RANBP17: variants seen among roughly 807,000 people sequenced by gnomAD.
The protein encoded by RANBP17 is RAN binding protein 17.
A neutral mutation model predicts 141.2 loss-of-function variants in RANBP17; 158 were observed. That is an observed-to-expected ratio of 1.12 (90% CI 0.98 to 1.28). RANBP17 has a LOEUF of 1.28. RANBP17 is among the 50% of genes most tolerant of loss of function. RANBP17 has a pLI of 0.00. For missense variants in RANBP17, 1,438 were observed against 1,290.7 expected, an observed-to-expected ratio of 1.11 and a Z score of -1.75; for synonymous variants, 430 against 450.0, an observed-to-expected ratio of 0.96 and a Z score of 0.56.
intron 12 of RANBP17, among the ~76,000 whole-genome samples, chr5:170,933,144 G>A (rs1053656478): frequency 2.6e-5 from 4 of 152,092 alleles, no homozygotes; most frequent in African/African-American, 9.7e-5. Context: ...TCTTGGGAGG[G>A]TGTATGTGTC....
chr5:171,289,999 T>C (rs929304691), intron 25 of RANBP17, among the ~76,000 whole-genome samples: 2 of 150,392 alleles, frequency 1.3e-5, no homozygotes, highest in African/African-American at 4.8e-5. Flanking sequence ...CACTGCACTC[T>C]AGCCTTGGTG....
In RANBP17 at chr5:171,213,803, C is replaced by CT. The variant is rs1360320724; in HGVS notation, c.2339+68dup. The CT allele has an allele frequency of 5.6e-6, 7 of 1,243,408 alleles. No homozygotes were observed. The South Asian group carries it at 7.2e-5, about 13-fold the overall frequency. The allele number at this position is 1,243,408 out of a possible 1,614,324, so 77.0% of individuals were successfully genotyped here. A position where few individuals can be genotyped will look rare whatever the true frequency, so the allele number is the denominator to read the frequency against. ...TTAGCGGAAATCTCCAACAGTCAGA[C>CT]TTTCTTTTTTGGTTTGTGTCTTTCC... On this transcript the variant is annotated intron_variant, in intron 21 of 27. Transcript: ENST00000523189.
At chr5:171,078,667 A>G (rs1337532848) in intron 14 of RANBP17, among the ~76,000 whole-genome samples, 1 of 152,238 alleles carries the variant, frequency 6.6e-6, no homozygotes. Context: ...ATTAAGAATT[A>G]TGCTAAATCT....
intron 25 of RANBP17, among the ~76,000 whole-genome samples, chr5:171,277,938 C>CCTTTTTT (rs1554127986): frequency 2.8e-4 from 20 of 72,266 alleles, no homozygotes; most frequent in South Asian, 6.4e-4. Context: ...GGACTTCTTT[C>CCTTTTTT]TTTTTTTTTT....
intron 14 of RANBP17, among the ~76,000 whole-genome samples, chr5:170,992,428 AGAG>A (rs1239898204): frequency 6.6e-6 from 1 of 152,042 alleles, no homozygotes; most frequent in African/African-American, 2.4e-5. Context: ...TGAATAGGAA[AGAG>A]GAGAGAGCAG....
rs1046643024 is a variant in RANBP17, at chr5:171,299,450, C to A, written c.*592C>A. On this transcript the variant is annotated 3_prime_UTR_variant, in exon 28 of 28. Coordinates refer to ENST00000523189, the MANE Select transcript of RANBP17 (RefSeq NM_022897.5). ...GAGAGACAGTAACACAATTAAATGA[C>A]TTAGAAACAATGTTTGCTTTTCACT... 1 of 231,408 alleles carries A rather than the reference C, an allele frequency of 4.3e-6. No homozygotes were observed. Among genetic ancestry groups the A allele is most frequent in the Non-Finnish European group, 8.6e-6 (1 of 116,682 alleles). 14.3% of individuals were successfully genotyped at this position (231,408 alleles called of 1,614,324 possible).
chr5:170,953,867 G>C (rs752534710), intron 13 of RANBP17, among the ~76,000 whole-genome samples, 165 bp downstream of exon 13: 1 of 152,122 alleles, frequency 6.6e-6, no homozygotes, highest in South Asian at 2.1e-4. Context: ...TAAATGATTT[G>C]TAGAAGTCAA....
At chr5:171,279,722 A>G (rs1767736931) in intron 25 of RANBP17, among the ~76,000 whole-genome samples, 1 of 151,924 alleles carries the variant, frequency 6.6e-6, no homozygotes, top group South Asian at 2.1e-4. Context: ...TTTTTTTTCT[A>G]ACTGAGGAGT....
chr5:171,232,476 T>A (rs1409411378), intron 22 of RANBP17, among the ~76,000 whole-genome samples: 3 of 152,190 alleles, frequency 2.0e-5, no homozygotes, highest in Non-Finnish European at 4.4e-5. Flanking sequence ...TCTTTTTTCA[T>A]GCAAAATAAT....
At chr5:171,245,646 A>G (rs757050668) in intron 24 of RANBP17, among the ~76,000 whole-genome samples, 27 of 152,062 alleles carry the variant, frequency 1.8e-4, no homozygotes, top group South Asian at 6.2e-4. Context: ...ATTTTATTCT[A>G]TCCTGCAGTT....
intron 5 of RANBP17, among the ~76,000 whole-genome samples, chr5:170,898,770 A>G (rs999666654): frequency 6.6e-6 from 1 of 152,210 alleles, no homozygotes; most frequent in African/African-American, 2.4e-5. Flanking sequence ...TATTTATTAA[A>G]TAGGGAATCA....
intron 3 of RANBP17, among the ~76,000 whole-genome samples, chr5:170,890,965 G>A (rs1769545643): frequency 6.6e-6 from 1 of 152,176 alleles, no homozygotes; most frequent in South Asian, 2.1e-4. Context: ...AGGTAGGACT[G>A]TAGGCGCATG....
chr5:170,932,566 T>G (rs987873329), intron 12 of RANBP17, among the ~76,000 whole-genome samples: 7 of 152,114 alleles, frequency 4.6e-5, no homozygotes, highest in African/African-American at 1.7e-4. Context: ...GCTCTTATTT[T>G]TTTTGAGATA....
At chr5:171,072,597 T>C (rs779661) in intron 14 of RANBP17, among the ~76,000 whole-genome samples, 91,131 of 151,980 alleles carry the variant, frequency 0.6, 29,073 homozygotes, top group South Asian at 0.88. Context: ...GTCATAGTTG[T>C]TAGAATTGTT....
At chr5:171,202,620 T>C (rs1762357715) in intron 19 of RANBP17, among the ~76,000 whole-genome samples, 1 of 152,196 alleles carries the variant, frequency 6.6e-6, no homozygotes, top group Non-Finnish European at 1.5e-5. Flanking sequence ...TCACAGGTTA[T>C]TGCCTTAATT....
intron 14 of RANBP17, among the ~76,000 whole-genome samples, chr5:171,064,523 G>A (rs765597942): frequency 2.0e-5 from 3 of 151,932 alleles, no homozygotes; most frequent in Non-Finnish European, 4.4e-5. Context: ...TTCAGACAGG[G>A]TTTCACTCTG....
intron 14 of RANBP17, among the ~76,000 whole-genome samples, chr5:171,146,172 A>G (rs1290488685): frequency 6.6e-6 from 1 of 152,214 alleles, no homozygotes; most frequent in Non-Finnish European, 1.5e-5. Flanking sequence ...ATAAGGATAA[A>G]GACCTAATTT....
chr5:171,005,053 G>A (rs1466290194), intron 14 of RANBP17, among the ~76,000 whole-genome samples: 1 of 152,046 alleles, frequency 6.6e-6, no homozygotes, highest in African/African-American at 2.4e-5. Flanking sequence ...CCTATTGTGG[G>A]GTTTGAGGGC....
intron 5 of RANBP17, chr5:170,903,839 C>T: frequency 2.3e-6 from 1 of 438,540 alleles, no homozygotes; most frequent in Non-Finnish European, 4.4e-6. Flanking sequence ...CAAATTTGCT[C>T]AACCTAACAA....
Sources: gnomAD v4.1 joint callset for allele counts (sites outside exome capture counted in the v4.1 genomes callset) on GRCh38, gnomAD v4.1.1 for gene constraint, MANE v1.5 for transcripts, NCBI Gene and HGNC (gene_info 2026-07-23, HGNC 2026-07-21) for gene names.